The following RAB11FIP3 variants were observed in gnomAD, a reference collection of about 807,000 sequenced individuals.
RAB11FIP3 encodes the protein rab11 family-interacting protein 3.
Under a neutral mutation model 77.8 loss-of-function variants are expected in RAB11FIP3, and 17 were observed. That is an observed-to-expected ratio of 0.22 (90% CI 0.15 to 0.33). RAB11FIP3 has a LOEUF of 0.33. Ranked by LOEUF, RAB11FIP3 falls within the 10% of genes least tolerant of loss-of-function variation. The probability of loss-of-function intolerance (pLI) is 1.00; values close to 1 mark genes in which losing one functional copy is unlikely to be tolerated. For synonymous variants in RAB11FIP3, 437 were observed against 448.2 expected, an observed-to-expected ratio of 0.98 and a Z score of 0.31; for missense variants, 1,005 against 1,011.2, an observed-to-expected ratio of 0.99 and a Z score of 0.08.
At chr16:452,457 C>A (rs1249772277) in intron 1 of RAB11FIP3, 1 of 151,834 alleles carries the variant, frequency 6.6e-6, no homozygotes, top group Non-Finnish European at 1.5e-5. Context: ...ATTTTTGAGA[C>A]AGAGTCTTGC....
chr16:501,622 A>G (rs1334729102), intron 6 of RAB11FIP3, among the ~76,000 whole-genome samples: 1 of 150,316 alleles, frequency 6.7e-6, no homozygotes, highest in Non-Finnish European at 1.5e-5. Context: ...TTCACAGGCA[A>G]GGAAGCTGGG....
intron 1 of RAB11FIP3, among the ~76,000 whole-genome samples, chr16:456,612 A>G (rs9926890): frequency 0.62 from 94,595 of 151,720 alleles, 29,991 homozygotes; most frequent in African/African-American, 0.74. Flanking sequence ...TAAAAAATTG[A>G]TTGGGCATGG....
chr16:488,748 C>T (rs926121750), intron 4 of RAB11FIP3, 103 bp from the exon 5 acceptor site: 17 of 1,145,760 alleles, frequency 1.5e-5, no homozygotes, highest in African/African-American at 6.2e-5. Flanking sequence ...CCAGGACTCA[C>T]GTGTGGCTTG....
Position 426,499 on chromosome 16 carries a change from C to T in RAB11FIP3, c.493C>T (p.Pro165Ser), listed in dbSNP as rs1450522323. 1.3e-6 allele frequency: 2 copies of T among 1,579,494 alleles called. No individual in the cohort carries two copies. Among genetic ancestry groups the T allele is most frequent in the Admixed American group, 3.7e-5 (2 of 54,306 alleles). ...RGEVDVFSPFPAPTAGELALE... is the reference protein window; with the variant it reads ...RGEVDVFSPFSAPTAGELALE... Reference sequence around the variant, plus strand: ...CGAGGTCGACGTCTTCTCTCCCTTCCCCGCGCCCACGGCGGGCGAGCTGGC... The same window carrying T: ...CGAGGTCGACGTCTTCTCTCCCTTCTCCGCGCCCACGGCGGGCGAGCTGGC... Residue 165 changes from proline (P) to serine (S), a missense_variant, in exon 1 of 14, where the codon CCC becomes TCC. By Grantham distance (74) the Pro-to-Ser change is moderately conservative. This residue lies in a region of RAB11FIP3 where 466 missense variants were observed against 408.3 expected (regional missense o/e 1.14). Transcript: ENST00000262305. The surrounding 1 kb of genome is among the most constrained non-coding windows in gnomAD (Gnocchi z 5.0).
In RAB11FIP3 at chr16:448,536, A is replaced by T. The variant is rs9746802; in HGVS notation, c.715-12868A>T. On this transcript the variant is annotated intron_variant, in intron 1 of 13. Coordinates refer to ENST00000262305, the MANE Select transcript of RAB11FIP3 (RefSeq NM_014700.4). The stretch of plus-strand genomic sequence containing the variant: ...TGGATCACGAGGTCAGGAGATCGAG[A>T]CCATCCTGGCTAACACGGTGAAACC... 3.7e-3 allele frequency among the ~76,000 whole-genome samples: 569 copies of T among 151,850 alleles called. 3 individuals carry two copies. The highest frequency in any genetic ancestry group is 0.014 in the Middle Eastern group (4 of 290).
In RAB11FIP3 at chr16:426,848, T is replaced by C; in HGVS notation, c.714+128T>C. 1.6e-6 allele frequency: 1 copy of C among 641,678 alleles called. No individual in the cohort carries two copies. The highest frequency in any genetic ancestry group is 2.4e-6 in the Non-Finnish European group (1 of 412,724). 39.7% of individuals were successfully genotyped at this position (641,678 alleles called of 1,614,324 possible). On this transcript the variant is annotated intron_variant, in intron 1 of 13. Coordinates refer to ENST00000262305, the MANE Select transcript of RAB11FIP3 (RefSeq NM_014700.4). This position sits in a 1 kb window ranked among gnomAD's most constrained non-coding sequence, Gnocchi z 5.0. ...CACTGTCAAGACCTGACGGTCCTGC[T>C]TTTTCTGCTTATTCACCACTTCGGC...
At chr16:494,745 G>T (rs8047043) in intron 5 of RAB11FIP3, among the ~76,000 whole-genome samples, 1 of 149,982 alleles carries the variant, frequency 6.7e-6, no homozygotes, top group Non-Finnish European at 1.5e-5. Context: ...GGCTGAAATC[G>T]CAGTGCTTTG....
chr16:490,324 C>T (rs1013347001), intron 5 of RAB11FIP3, among the ~76,000 whole-genome samples: 4 of 152,210 alleles, frequency 2.6e-5, no homozygotes, highest in Non-Finnish European at 5.9e-5. Context: ...GGGAGGTTAG[C>T]TAGCACCACC....
At chr16:509,116 C>G (rs760262679) in intron 8 of RAB11FIP3, among the ~76,000 whole-genome samples, 2 of 152,216 alleles carry the variant, frequency 1.3e-5, no homozygotes, top group Non-Finnish European at 2.9e-5. Context: ...ATTGGTCAGG[C>G]TGGTCTCGAA....
At position 517,170 on chromosome 16, in the gene RAB11FIP3, G is replaced by A. The variant is rs184886805; in HGVS notation, c.1641-1773G>A. Among the ~76,000 whole-genome samples, 47 of 152,318 alleles carry A rather than the reference G, an allele frequency of 3.1e-4. 1 individual carries two copies. The East Asian group carries it at 8.5e-3, about 28-fold the overall frequency. ...CGAGAAAACACCAGACGGACCCAAC[G>A]TGGGGGACGCTCTACAGACACCATG... On this transcript the variant is annotated intron_variant, in intron 9 of 13. Transcript: ENST00000262305.
intron 1 of RAB11FIP3, among the ~76,000 whole-genome samples, chr16:441,876 T>C (rs1006788117): frequency 2.6e-5 from 4 of 152,234 alleles, no homozygotes; most frequent in Non-Finnish European, 4.4e-5. Flanking sequence ...TCTCGCTCTC[T>C]CGTCCAGGCT....
intron 6 of RAB11FIP3, among the ~76,000 whole-genome samples, chr16:497,630 C>T (rs2141837822): frequency 6.6e-6 from 1 of 152,308 alleles, no homozygotes; most frequent in South Asian, 2.1e-4. Context: ...CTGGACAGGT[C>T]TCCCCACACT....
intron 1 of RAB11FIP3, among the ~76,000 whole-genome samples, chr16:437,441 G>A (rs747095305): frequency 2.6e-5 from 4 of 151,352 alleles, no homozygotes; most frequent in South Asian, 2.1e-4. Flanking sequence ...GTGGTGGTGC[G>A]TGCCTGTAGT....
intron 1 of RAB11FIP3, among the ~76,000 whole-genome samples, chr16:430,107 A>G (rs2141837353): frequency 6.6e-6 from 1 of 152,188 alleles, no homozygotes; most frequent in South Asian, 2.1e-4. Context: ...TTGAAACAGG[A>G]ATTTATAGTC....
At position 471,692 on chromosome 16, in the gene RAB11FIP3, G is replaced by A. The variant is rs920344521; in HGVS notation, c.903+303G>A. ...GGCTGGCAGGCACAGGCGGAGCAGA[G>A]GGCTTGGGAGGATTCCTTTTGTCAA... is the stretch of plus-strand genomic sequence containing the variant. On this transcript the variant is annotated intron_variant, in intron 3 of 13. Transcript: ENST00000262305. This position sits in a 1 kb window ranked among gnomAD's most constrained non-coding sequence, Gnocchi z 4.4. Among the ~76,000 whole-genome samples, 1 of 152,198 alleles carries A rather than the reference G, an allele frequency of 6.6e-6. No individual in the cohort carries two copies. The highest frequency in any genetic ancestry group is 6.5e-5 in the Admixed American group (1 of 15,280).
intron 1 of RAB11FIP3, among the ~76,000 whole-genome samples, chr16:450,959 C>T (rs1201249382): frequency 6.6e-6 from 1 of 151,836 alleles, no homozygotes; most frequent in Non-Finnish European, 1.5e-5. Context: ...TCTGTTACCG[C>T]AGCGCTCTGC....
At position 522,362 on chromosome 16, in the gene RAB11FIP3, A is replaced by G. The variant is rs1596307396; in HGVS notation, c.*1523A>G. ...ACCACTCAGCAGTGCTGTCACTGTA[A>G]GCATGGACTCCCAGGAGACAGTGTG... On this transcript the variant is annotated 3_prime_UTR_variant, in exon 14 of 14. Coordinates refer to ENST00000262305, the MANE Select transcript of RAB11FIP3 (RefSeq NM_014700.4). 6.6e-6 allele frequency: 1 copy of G among 151,528 alleles called. No homozygotes were observed. Among genetic ancestry groups the G allele is most frequent in the African/African-American group, 2.4e-5 (1 of 41,258 alleles). The allele number at this position is 151,528 out of a possible 1,614,324, so 9.4% of individuals were successfully genotyped here.
intron 2 of RAB11FIP3, among the ~76,000 whole-genome samples, chr16:467,320 G>T (rs2055717811): frequency 6.6e-6 from 1 of 152,208 alleles, no homozygotes; most frequent in African/African-American, 2.4e-5. Context: ...GAGGATGGTG[G>T]GGCATCCCTG....
rs549329802 is a variant in RAB11FIP3 at position 488,189 on chromosome 16, G to C, written c.1116-662G>C. On this transcript the variant is annotated intron_variant, in intron 4 of 13. Coordinates refer to ENST00000262305, the MANE Select transcript of RAB11FIP3 (RefSeq NM_014700.4). ...AGGTCAGGAGATCGAGACCATCCTGGCTAACACGGTGAAACCCCGTCTCTA... is the reference window on the plus strand; with the variant it reads ...AGGTCAGGAGATCGAGACCATCCTGCCTAACACGGTGAAACCCCGTCTCTA... Among the ~76,000 whole-genome samples the C allele has an allele frequency of 2.0e-5, 3 of 152,266 alleles. No homozygotes were observed. The East Asian group carries it at 5.8e-4, about 29-fold the overall frequency.
Sources: allele counts gnomAD v4.1 joint callset (sites outside exome capture counted in the v4.1 genomes callset), GRCh38; gene constraint gnomAD v4.1.1; regional missense constraint gnomAD v4.1.1; non-coding constraint Gnocchi (gnomAD v3.1); transcripts MANE v1.5; gene names NCBI Gene and HGNC (gene_info 2026-07-23, HGNC 2026-07-21).